Variants in LTK observed in about 807,000 individuals in gnomAD.
The protein encoded by LTK is leukocyte receptor tyrosine kinase.
In LTK, 117 loss-of-function variants were observed where a neutral mutation model predicts 101.5. That is an observed-to-expected ratio of 1.15 (90% CI 0.99 to 1.34). LTK has a LOEUF of 1.34. Among genes scored for constraint, LTK ranks in the 40% most tolerant of loss-of-function variants. The probability of loss-of-function intolerance (pLI) is 0.00; values close to 1 mark genes in which losing one functional copy is unlikely to be tolerated. For synonymous variants in LTK, 563 were observed against 494.2 expected (o/e 1.14, Z -1.85); for missense variants, 1,252 against 1,164.7 (o/e 1.07, Z -1.09).
rs201175501 is a variant in LTK at position 41,507,062 on chromosome 15, G to A, written c.1541+33C>T. On this transcript the variant is annotated intron_variant, in intron 11 of 19. Coordinates refer to ENST00000263800, the MANE Select transcript of LTK (RefSeq NM_002344.6). Reference sequence around the variant, plus strand: ...AGAATCAGAGGTGGGGATTCAGAGTGCATAGGTTCTCAGAAGGAGGCAGAA... The same window carrying A: ...AGAATCAGAGGTGGGGATTCAGAGTACATAGGTTCTCAGAAGGAGGCAGAA... The A allele has an allele frequency of 3.0e-5, 47 of 1,581,180 alleles. No homozygotes were observed. In the Admixed American group the frequency reaches 8.0e-4, roughly 27 times the overall value.
chr15:41,506,840 T>G (rs1475115649), intron 11 of LTK, among the ~76,000 whole-genome samples: 6 of 152,196 alleles, frequency 3.9e-5, no homozygotes, highest in African/African-American at 1.4e-4. Flanking sequence ...CCTGCCTGCC[T>G]CGACCTCCCA....
rs2051538680 is a variant in LTK at position 41,512,958 on chromosome 15, G to A, written c.187+19C>T. On this transcript the variant is annotated intron_variant, in intron 2 of 19. Coordinates refer to ENST00000263800, the MANE Select transcript of LTK (RefSeq NM_002344.6). ...TCTGGTATGGTGAGCGAAAGAGGAAGGAGGCGTCTAAAGCTCACCCGGAGA... is the reference window on the plus strand; with the variant it reads ...TCTGGTATGGTGAGCGAAAGAGGAAAGAGGCGTCTAAAGCTCACCCGGAGA... The A allele has an allele frequency of 2.5e-6, 4 of 1,613,414 alleles. No homozygotes were observed. In the South Asian group the frequency reaches 3.3e-5, roughly 13 times the overall value.
chr15:41,503,978 C>T lies in LTK; in HGVS notation c.*18G>A. 6.3e-7 allele frequency: 1 copy of T among 1,581,162 alleles called. No homozygotes were observed. Among genetic ancestry groups the T allele is most frequent in the Non-Finnish European group, 8.6e-7 (1 of 1,164,794 alleles). On this transcript the variant is annotated 3_prime_UTR_variant, in exon 20 of 20. Coordinates refer to ENST00000263800, the MANE Select transcript of LTK (RefSeq NM_002344.6). Reference sequence around the variant, plus strand: ...GACCCTCAGTGCCTCAGTCCTTACCCTCAGGGCCCCTTGGGGCTCAGGAGC... The same window carrying T: ...GACCCTCAGTGCCTCAGTCCTTACCTTCAGGGCCCCTTGGGGCTCAGGAGC...
chr15:41,512,792 C>T lies in LTK; in HGVS notation c.274G>A (p.Gly92Arg). The T allele has an allele frequency of 6.2e-7, 1 of 1,612,312 alleles. No homozygotes were observed. The highest frequency in any genetic ancestry group is 8.5e-7 in the Non-Finnish European group (1 of 1,179,718). The change falls in exon 3 of 20, where the codon GGG becomes AGG. Residue 92 changes from glycine to arginine, a missense_variant. By Grantham distance (125) the Gly-to-Arg change is moderately radical. Transcript: ENST00000263800. ...TQTQCDGAYA[G>R]TSVVVTVGAA... Reference sequence around the variant, plus strand: ...CCCACGGTCACCACCACGCTGGTCCCCGCGTACGCCCCGTCACATTGTGTC... The same window carrying T: ...CCCACGGTCACCACCACGCTGGTCCTCGCGTACGCCCCGTCACATTGTGTC...
At chr15:41,513,239 A>ATTTT in intron 1 of LTK, 119 bp from the exon 2 acceptor site, 1 of 1,276,766 alleles carries the variant, frequency 7.8e-7, no homozygotes, top group Admixed American at 2.8e-5. Flanking sequence ...CACCCGGCCC[A>ATTTT]GCCGCGCTCT....
At chr15:41,505,623 T>C in intron 13 of LTK, 90 bp downstream of exon 13, 3 of 1,605,796 alleles carry the variant, frequency 1.9e-6, no homozygotes, top group Non-Finnish European at 2.6e-6. Flanking sequence ...CTGTGTCCCC[T>C]GACTTGCTAC....
intron 1 of LTK, 109 bp from the exon 2 acceptor site, chr15:41,513,229 C>CA: frequency 7.8e-7 from 1 of 1,280,036 alleles, no homozygotes; most frequent in Admixed American, 3.3e-5. Flanking sequence ...CCACACCCGT[C>CA]ACCCGGCCCA....
chr15:41,505,986 A>G lies in LTK; in HGVS notation c.1561T>C (p.Phe521Leu). The G allele has an allele frequency of 6.2e-7, 1 of 1,613,628 alleles. No homozygotes were observed. Among genetic ancestry groups the G allele is most frequent in the Non-Finnish European group, 8.5e-7 (1 of 1,179,670 alleles). The change falls in exon 12 of 20, where the codon TTT (phenylalanine) becomes CTT (leucine). Residue 521 changes from phenylalanine to leucine, a missense_variant. Physicochemically the swap from Phe to Leu is conservative, Grantham distance 22 (BLOSUM62 0). Transcript: ENST00000263800. ...TLLRALGHGA[F>L]GEVYEGLVIG... ...ACCAGTCCCTCATACACCTCCCCAA[A>G]GGCACCATGGCCCAGGGCTCTGCAG...
chr15:41,504,137 TG>T lies in LTK; in HGVS notation c.2453del (p.Pro818HisfsTer6). ...TCTCTGGACTCAGTTCCTGGGGCTG[TG>T]GGGGTCTTAGGCACTCCAAAGATCT... ...GNRSLECLRP[P>X]QPQELSPEKL... On this transcript the variant is annotated frameshift_variant, in exon 20 of 20. Coordinates refer to ENST00000263800, the MANE Select transcript of LTK (RefSeq NM_002344.6). LOFTEE classifies it low-confidence loss of function (END_TRUNC). 1 of 1,614,034 alleles carries T rather than the reference TG, an allele frequency of 6.2e-7. No homozygotes were observed. Among genetic ancestry groups the T allele is most frequent in the Non-Finnish European group, 8.5e-7 (1 of 1,179,986 alleles).
intron 7 of LTK, among the ~76,000 whole-genome samples, chr15:41,509,334 C>T (rs1319290302): frequency 6.6e-6 from 1 of 152,272 alleles, no homozygotes; most frequent in Middle Eastern, 3.4e-3. Context: ...GCTGGGATGC[C>T]TCCTGCCTGC....
chr15:41,504,357 C>T lies in LTK; in HGVS notation c.2331G>A (p.Leu777=), dbSNP rs745619686. 5 of 1,614,138 alleles carry T rather than the reference C, an allele frequency of 3.1e-6. No individual in the cohort carries two copies. Among genetic ancestry groups the T allele is most frequent in the Non-Finnish European group, 4.2e-6 (5 of 1,180,018 alleles). ...RPSFASILER[L]QYCTQDPDVL... Reference sequence around the variant, plus strand: ...GGGGGCACACCTGAGTGCAGTACTGCAGACGCTCCAAGATGCTGGCAAAGC... The same window carrying T: ...GGGGGCACACCTGAGTGCAGTACTGTAGACGCTCCAAGATGCTGGCAAAGC... Residue 777 remains leucine (L), a synonymous_variant, in exon 19 of 20, where the codon CTG becomes CTA. Transcript: ENST00000263800.
chr15:41,504,055 G>A lies in LTK; in HGVS notation c.2536C>T (p.Pro846Ser). Residue 846 changes from proline (P) to serine (S), a missense_variant, in exon 20 of 20, where the codon CCC becomes TCC. Coordinates refer to ENST00000263800, the MANE Select transcript of LTK (RefSeq NM_002344.6). ...LGPWLSSGLK[P>S]LKSRGLQPQN... The stretch of plus-strand genomic sequence containing the variant: ...GGTTGGAGGCCCCTGGATTTGAGGG[G>A]CTTGAGGCCAGAGGACAGCCAGGGG... 1 of 1,613,822 alleles carries A rather than the reference G, an allele frequency of 6.2e-7. No individual in the cohort carries two copies.
intron 11 of LTK, 86 bp from the exon 12 acceptor site, chr15:41,506,091 C>T: frequency 1.2e-6 from 1 of 826,942 alleles, no homozygotes; most frequent in Non-Finnish European, 2.0e-6. Flanking sequence ...CCTCCCCTGC[C>T]CCTGCCATAT....
At chr15:41,509,633 G>C (rs369462887) in intron 7 of LTK, among the ~76,000 whole-genome samples, 4 of 152,112 alleles carry the variant, frequency 2.6e-5, no homozygotes, top group African/African-American at 9.7e-5. Flanking sequence ...GGCCGACATG[G>C]GCGGATTACG....
chr15:41,507,591 A>G lies in LTK; in HGVS notation c.1316T>C (p.Leu439Pro). The G allele has an allele frequency of 1.2e-6, 2 of 1,613,964 alleles. No individual in the cohort carries two copies. The highest frequency in any genetic ancestry group is 1.7e-6 in the Non-Finnish European group (2 of 1,179,984). The stretch of plus-strand genomic sequence containing the variant: ...AATCAGGACCCCACACACCATAAGG[A>G]GGCTCAGTGTTGAGGTTGCCACCAC... ...VAVVATSTLSLLMVCGVLILV... is the reference protein window; with the variant it reads ...VAVVATSTLSPLMVCGVLILV... The change falls in exon 10 of 20, where the codon CTC becomes CCC. Residue 439 changes from leucine to proline, a missense_variant. Transcript: ENST00000263800.
Position 41,508,543 on chromosome 15 carries a change from C to T in LTK, c.1097-322G>A, listed in dbSNP as rs1386898506. Among the ~76,000 whole-genome samples the T allele has an allele frequency of 5.3e-5, 8 of 149,974 alleles. No homozygotes were observed. In the East Asian group the frequency reaches 1.6e-3, roughly 29 times the overall value. On this transcript the variant is annotated intron_variant, in intron 8 of 19. Coordinates refer to ENST00000263800, the MANE Select transcript of LTK (RefSeq NM_002344.6). ...CTGCACTCCAGCCTGGGTGACAGAG[C>T]GAGACTCTGTCTCAAAAATAAAAAT...
chr15:41,511,740 G>T lies in LTK; in HGVS notation c.657+77C>A. 1 of 1,441,528 alleles carries T rather than the reference G, an allele frequency of 6.9e-7. No homozygotes were observed. Among genetic ancestry groups the T allele is most frequent in the Non-Finnish European group, 9.0e-7 (1 of 1,108,062 alleles). The allele number at this position is 1,441,528 out of a possible 1,614,324, so 89.3% of individuals were successfully genotyped here. On this transcript the variant is annotated intron_variant, in intron 5 of 19. Coordinates refer to ENST00000263800, the MANE Select transcript of LTK (RefSeq NM_002344.6). The surrounding 1 kb of genome is among the most constrained non-coding windows in gnomAD (Gnocchi z 5.9). The stretch of plus-strand genomic sequence containing the variant: ...CAGGGATAGGGGGACCCCAAGGGAC[G>T]GACGGAGAGCCGGTGCGTGAGCGCC...
At chr15:41,507,965 G>T (rs1020933607) in intron 9 of LTK, 104 bp downstream of exon 9, 2 of 1,270,682 alleles carry the variant, frequency 1.6e-6, no homozygotes, top group African/African-American at 3.0e-5. Flanking sequence ...CCCACCACAG[G>T]GCCTGGCACA....
At chr15:41,504,483 T>TTCC (rs1374364243) in intron 18 of LTK, 23 bp downstream of exon 18, 1 of 1,613,600 alleles carries the variant, frequency 6.2e-7, no homozygotes, top group Non-Finnish European at 8.5e-7. Flanking sequence ...AGGACCTCCC[T>TTCC]TCCCGGGCAG....
Sources: gnomAD v4.1 joint callset for allele counts (sites outside exome capture counted in the v4.1 genomes callset) on GRCh38, gnomAD v4.1.1 for gene constraint, Gnocchi (gnomAD v3.1) non-coding constraint, MANE v1.5 for transcripts, NCBI Gene and HGNC (gene_info 2026-07-23, HGNC 2026-07-21) for gene names.